FHIT: variants seen among roughly 807,000 people sequenced by gnomAD.
FHIT encodes the protein bis(5'-adenosyl)-triphosphatase.
In FHIT, 19 loss-of-function variants were observed where a neutral mutation model predicts 17.9. The observed-to-expected ratio is 1.06, with a 90% CI of 0.74 to 1.56. The LOEUF is 1.56. FHIT is among the 40% of genes most tolerant of loss of function. The probability of loss-of-function intolerance (pLI) is 0.00; values close to 1 mark genes in which losing one functional copy is unlikely to be tolerated. For missense variants in FHIT, 248 were observed against 189.2 expected (o/e 1.31, Z -1.82); for synonymous variants, 81 against 69.7 (o/e 1.16, Z -0.81).
In FHIT at chr3:60,922,567, G is replaced by A. The variant is rs180813098; in HGVS notation, c.-110-100556C>T. Reference sequence around the variant, plus strand: ...ATAAAAGTTGCAAAAGTTGAAGTTAGTGATTTCTTTATTTTTTATTTCCAT... The same window carrying A: ...ATAAAAGTTGCAAAAGTTGAAGTTAATGATTTCTTTATTTTTTATTTCCAT... On this transcript the variant is annotated intron_variant, in intron 3 of 9. Transcript: ENST00000492590. Among the ~76,000 whole-genome samples the A allele has an allele frequency of 2.5e-3, 377 of 152,298 alleles. 3 individuals are homozygous for A. The highest frequency in any genetic ancestry group is 8.8e-3 in the African/African-American group (367 of 41,562).
At chr3:60,592,087 T>C (rs1553664517) in intron 4 of FHIT, among the ~76,000 whole-genome samples, 1 of 151,422 alleles carries the variant, frequency 6.6e-6, no homozygotes, top group African/African-American at 2.4e-5. Context: ...CTTAACAAAA[T>C]AATCATCAAA....
At chr3:59,791,541 T>C (rs984957606) in intron 8 of FHIT, among the ~76,000 whole-genome samples, 1 of 152,184 alleles carries the variant, frequency 6.6e-6, no homozygotes, top group Non-Finnish European at 1.5e-5. Flanking sequence ...ATAAACTCGT[T>C]CTCATTCTCT....
intron 3 of FHIT, among the ~76,000 whole-genome samples, chr3:60,898,462 G>C (rs1480957154): frequency 3.3e-5 from 5 of 152,154 alleles, no homozygotes; most frequent in African/African-American, 1.2e-4. Context: ...TGTATGGTGG[G>C]TTCCCTTTAC....
At chr3:61,204,464 A>G (rs2039140486) in intron 1 of FHIT, among the ~76,000 whole-genome samples, 1 of 152,224 alleles carries the variant, frequency 6.6e-6, no homozygotes, top group Admixed American at 6.5e-5. Context: ...CCAAATCAAT[A>G]GAGGAAACAA....
chr3:60,452,290 C>A (rs576107016), intron 5 of FHIT, among the ~76,000 whole-genome samples: 3 of 152,108 alleles, frequency 2.0e-5, no homozygotes, highest in Non-Finnish European at 4.4e-5. Flanking sequence ...CCAAGCGATT[C>A]ATATGCTTTA....
At chr3:60,194,207 C>G (rs1702521798) in intron 5 of FHIT, among the ~76,000 whole-genome samples, 1 of 152,042 alleles carries the variant, frequency 6.6e-6, no homozygotes, top group Non-Finnish European at 1.5e-5. Flanking sequence ...CAATAGTAAC[C>G]AAGACAGCAT....
intron 5 of FHIT, among the ~76,000 whole-genome samples, chr3:60,127,670 A>G (rs1705618786): frequency 6.6e-6 from 1 of 152,120 alleles, no homozygotes; most frequent in Non-Finnish European, 1.5e-5. Context: ...AGCATGATCT[A>G]GGCCCACTGT....
intron 5 of FHIT, among the ~76,000 whole-genome samples, chr3:60,072,763 C>T (rs544657403): frequency 6.6e-6 from 1 of 152,318 alleles, no homozygotes; most frequent in African/African-American, 2.4e-5. Flanking sequence ...GTACTATTCT[C>T]TATTGACAGT....
intron 2 of FHIT, among the ~76,000 whole-genome samples, chr3:61,159,560 A>T (rs893187782): frequency 5.9e-5 from 9 of 152,332 alleles, no homozygotes; most frequent in African/African-American, 1.2e-4. Flanking sequence ...GTTCCTGGAT[A>T]CAAGGAGCAG....
chr3:60,502,881 G>A (rs767763165), intron 5 of FHIT, among the ~76,000 whole-genome samples: 2 of 152,252 alleles, frequency 1.3e-5, no homozygotes, highest in South Asian at 4.1e-4. Flanking sequence ...AAATTCACTT[G>A]GTGAAAGGTT....
chr3:59,851,788 T>C (rs1701948481), intron 8 of FHIT, among the ~76,000 whole-genome samples: 1 of 152,224 alleles, frequency 6.6e-6, no homozygotes, highest in Admixed American at 6.5e-5. Flanking sequence ...AGTTTCTTCT[T>C]GGAGGTGTTA....
intron 5 of FHIT, among the ~76,000 whole-genome samples, chr3:60,442,146 CA>C (rs2030940456): frequency 6.6e-6 from 1 of 151,928 alleles, no homozygotes; most frequent in South Asian, 2.1e-4. Flanking sequence ...AGGCATAAGC[CA>C]CCATGCCCAG....
intron 7 of FHIT, among the ~76,000 whole-genome samples, chr3:59,999,915 C>G (rs889004353): frequency 1.3e-5 from 2 of 152,044 alleles, no homozygotes; most frequent in Non-Finnish European, 2.9e-5. Flanking sequence ...GCCAGATCAC[C>G]TAATTTAAAT....
intron 5 of FHIT, among the ~76,000 whole-genome samples, chr3:60,098,608 G>A (rs1356182660): frequency 1.3e-5 from 2 of 152,148 alleles, no homozygotes; most frequent in East Asian, 3.9e-4. Flanking sequence ...TGCAGATTCT[G>A]GATATTAGCC....
chr3:60,295,912 C>A (rs1708184838), intron 5 of FHIT, among the ~76,000 whole-genome samples: 1 of 152,056 alleles, frequency 6.6e-6, no homozygotes. Flanking sequence ...TCCCATGATT[C>A]CCACGTGTTG....
At chr3:61,018,689 A>G (rs917872941) in intron 3 of FHIT, among the ~76,000 whole-genome samples, 2 of 152,246 alleles carry the variant, frequency 1.3e-5, no homozygotes, top group African/African-American at 4.8e-5. Flanking sequence ...TCTCTTTGCT[A>G]TCAAACCAAA....
At chr3:59,849,794 T>C (rs557331409) in intron 8 of FHIT, among the ~76,000 whole-genome samples, 1 of 152,348 alleles carries the variant, frequency 6.6e-6, no homozygotes, top group Non-Finnish European at 1.5e-5. Context: ...AGGTATATTA[T>C]AAGAGTAGCT....
chr3:59,907,617 G>A (rs534633799), intron 8 of FHIT, among the ~76,000 whole-genome samples: 85 of 152,312 alleles, frequency 5.6e-4, no homozygotes, highest in African/African-American at 2.0e-3. Context: ...GTGTGCATGT[G>A]TGCACTGGGG....
chr3:59,834,454 G>T (rs962059586), intron 8 of FHIT, among the ~76,000 whole-genome samples: 1 of 152,100 alleles, frequency 6.6e-6, no homozygotes, highest in Admixed American at 6.6e-5. Flanking sequence ...CACTTTGGGC[G>T]ACTATCAAAA....
Sources: allele counts gnomAD v4.1 joint callset (sites outside exome capture counted in the v4.1 genomes callset), GRCh38; gene constraint gnomAD v4.1.1; transcripts MANE v1.5; gene names NCBI Gene and HGNC (gene_info 2026-07-23, HGNC 2026-07-21).